The following DLG5 variants were observed in gnomAD, a reference collection of about 807,000 sequenced individuals.
DLG5 encodes the protein disks large homolog 5.
In DLG5, 48 loss-of-function variants were observed where a neutral mutation model predicts 189.8. The ratio of observed to expected loss-of-function variants is 0.25; its 90% CI spans 0.20 to 0.32. The LOEUF (loss-of-function observed/expected upper bound fraction) is 0.32. Among genes scored for constraint, DLG5 ranks in the 10% least tolerant of loss-of-function variants. DLG5 has a pLI of 1.00. For missense variants in DLG5, 2,160 were observed against 2,544.7 expected, an observed-to-expected ratio of 0.85 and a Z score of 3.25; for synonymous variants, 1,016 against 1,054.1, an observed-to-expected ratio of 0.96 and a Z score of 0.70.
chr10:77,803,824 G>A (rs79026958), intron 27 of DLG5, among the ~76,000 whole-genome samples: 4,873 of 150,814 alleles, frequency 0.032, 269 homozygotes, highest in African/African-American at 0.11. Flanking sequence ...GCCAAAGAGA[G>A]TGAAGGAAAA....
chr10:77,925,409 G>A (rs1846654575), intron 1 of DLG5, among the ~76,000 whole-genome samples: 1 of 152,162 alleles, frequency 6.6e-6, no homozygotes, highest in African/African-American at 2.4e-5. Context: ...GGCCAGGCCA[G>A]GACAAGCCTA....
rs1844244622 is a variant in DLG5, at chr10:77,856,668, C to T, written c.536+62G>A. On this transcript the variant is annotated intron_variant, in intron 3 of 31. Coordinates refer to ENST00000372391, the MANE Select transcript of DLG5 (RefSeq NM_004747.4). ...CCAGGGGTGTTTGGGGGTGACAGCACCAGCATCGGGGTAGTAATCCCAACC... is the reference window on the plus strand; with the variant it reads ...CCAGGGGTGTTTGGGGGTGACAGCATCAGCATCGGGGTAGTAATCCCAACC... 2.5e-6 allele frequency: 4 copies of T among 1,576,542 alleles called. No individual in the cohort carries two copies. The African/African-American group carries it at 4.0e-5, about 16-fold the overall frequency.
At chr10:77,867,791 G>A (rs1564563117) in intron 2 of DLG5, 1 of 372,470 alleles carries the variant, frequency 2.7e-6, no homozygotes, top group Non-Finnish European at 5.3e-6. Context: ...GGAGTCCCGA[G>A]AGGGACACTG....
chr10:77,909,727 C>A (rs1846164068), intron 1 of DLG5, among the ~76,000 whole-genome samples: 1 of 152,126 alleles, frequency 6.6e-6, no homozygotes, highest in South Asian at 2.1e-4. Context: ...AGCCCCTAAA[C>A]TCTAAACCGC....
At chr10:77,842,724 G>A (rs550945606) in intron 6 of DLG5, among the ~76,000 whole-genome samples, 3 of 152,266 alleles carry the variant, frequency 2.0e-5, no homozygotes, top group African/African-American at 4.8e-5. Flanking sequence ...CATAGACACC[G>A]GTTCTGCATG....
chr10:77,906,046 A>C (rs1011032215), intron 1 of DLG5, among the ~76,000 whole-genome samples: 1 of 152,090 alleles, frequency 6.6e-6, no homozygotes, highest in African/African-American at 2.4e-5. Context: ...CATTATACCC[A>C]TTTGCTCTGC....
In DLG5 at chr10:77,821,317, TCCA is replaced by T; in HGVS notation, c.3164_3166del (p.Val1055del). On this transcript the variant is annotated inframe_deletion, in exon 15 of 32. Transcript: ENST00000372391. ...TGATGCGTGCATGGGCTCCCCGGGG[TCCA>T]CGTCAGGGGGCAGGGCGCTCGGGGG... 1 of 1,613,058 alleles carries T rather than the reference TCCA, an allele frequency of 6.2e-7. No individual in the cohort carries two copies.
At position 77,819,343 on chromosome 10, in the gene DLG5, C is replaced by G; in HGVS notation, c.3649G>C (p.Gly1217Arg). ...CSSPPAARDAGPQGLHPSVQH... is the reference protein window; with the variant it reads ...CSSPPAARDARPQGLHPSVQH... ...TACCTGGGATGCAAACCCTGGGGGCCAGCATCTCGGGCCGCAGGTGGAGAG... is the reference window on the plus strand; with the variant it reads ...TACCTGGGATGCAAACCCTGGGGGCGAGCATCTCGGGCCGCAGGTGGAGAG... The change falls in exon 17 of 32, where the codon GGC becomes CGC. Residue 1217 changes from glycine to arginine, a missense_variant. Around this residue, in one of 5 missense-constraint regions of DLG5, gnomAD observed 754 missense variants for 746.5 expected, o/e 1.01. Coordinates refer to ENST00000372391, the MANE Select transcript of DLG5 (RefSeq NM_004747.4). The G allele has an allele frequency of 6.2e-7, 1 of 1,614,064 alleles. No individual in the cohort carries two copies. The highest frequency in any genetic ancestry group is 8.5e-7 in the Non-Finnish European group (1 of 1,180,006).
chr10:77,884,265 G>A lies in DLG5; in HGVS notation c.305-15068C>T, dbSNP rs981931727. Among the ~76,000 whole-genome samples the A allele has an allele frequency of 3.9e-5, 6 of 152,180 alleles. No homozygotes were observed. In the South Asian group the frequency reaches 1.2e-3, roughly 31 times the overall value. On this transcript the variant is annotated intron_variant, in intron 1 of 31. Coordinates refer to ENST00000372391, the MANE Select transcript of DLG5 (RefSeq NM_004747.4). ...TTTGGAGGTCAAAGATGCTATGCATGGAGTCAATTAAGCAGGCAATTGATT... is the reference window on the plus strand; with the variant it reads ...TTTGGAGGTCAAAGATGCTATGCATAGAGTCAATTAAGCAGGCAATTGATT...
chr10:77,872,056 A>G (rs1844923262), intron 1 of DLG5, among the ~76,000 whole-genome samples: 1 of 152,176 alleles, frequency 6.6e-6, no homozygotes, highest in African/African-American at 2.4e-5. Flanking sequence ...AGCCACTGAC[A>G]TGTTGGTGGA....
intron 1 of DLG5, chr10:77,912,648 A>G (rs2131840802): frequency 1.3e-5 from 2 of 152,346 alleles, no homozygotes; most frequent in South Asian, 4.1e-4. Flanking sequence ...CCTGGTTAAC[A>G]GAGAGTGGTT....
At chr10:77,869,076 T>A in intron 2 of DLG5, 53 bp downstream of exon 2, 1 of 1,534,662 alleles carries the variant, frequency 6.5e-7, no homozygotes, top group Non-Finnish European at 9.0e-7. Flanking sequence ...CTGCCTTGGC[T>A]TTCACCCAGA....
intron 1 of DLG5, among the ~76,000 whole-genome samples, chr10:77,896,759 C>T (rs1165664908): frequency 1.3e-5 from 2 of 151,486 alleles, no homozygotes; most frequent in African/African-American, 4.9e-5. Flanking sequence ...GCAGAGGTTG[C>T]AGTGAGCTGA....
chr10:77,877,731 C>A (rs1845145071), intron 1 of DLG5, among the ~76,000 whole-genome samples: 1 of 151,990 alleles, frequency 6.6e-6, no homozygotes, highest in Non-Finnish European at 1.5e-5. Context: ...GGAGGAGGCC[C>A]AAAGAGGGTC....
intron 2 of DLG5, chr10:77,867,248 C>T: frequency 2.7e-6 from 1 of 372,274 alleles, no homozygotes; most frequent in Non-Finnish European, 5.4e-6. Context: ...TAGGCAAATA[C>T]CCCTCTCTGG....
intron 1 of DLG5, among the ~76,000 whole-genome samples, chr10:77,910,845 G>A (rs548699409): frequency 1.3e-5 from 2 of 152,162 alleles, no homozygotes; most frequent in South Asian, 2.1e-4. Flanking sequence ...GATGGCACAC[G>A]CCTGTAATCC....
At chr10:77,917,717 G>A (rs562912424) in intron 1 of DLG5, among the ~76,000 whole-genome samples, 1 of 152,328 alleles carries the variant, frequency 6.6e-6, no homozygotes, top group African/African-American at 2.4e-5. Flanking sequence ...GCTGATGTTT[G>A]CACAGCAGTG....
At chr10:77,868,253 C>T (rs1844766968) in intron 2 of DLG5, 6 of 381,066 alleles carry the variant, frequency 1.6e-5, no homozygotes, top group South Asian at 1.2e-4. Flanking sequence ...ATCACACTAC[C>T]TTCCCTTACT....
intron 15 of DLG5, chr10:77,820,353 A>G (rs1158212069): frequency 2.7e-5 from 5 of 183,938 alleles, no homozygotes; most frequent in South Asian, 1.2e-4. Context: ...CTTAGGGGAA[A>G]AAAAAAAAAA....
Sources: gnomAD v4.1 joint callset for allele counts (sites outside exome capture counted in the v4.1 genomes callset) on GRCh38, gnomAD v4.1.1 for gene constraint, gnomAD v4.1.1 regional missense constraint, MANE v1.5 for transcripts, NCBI Gene and HGNC (gene_info 2026-07-23, HGNC 2026-07-21) for gene names.